Variants in SGCD observed in about 807,000 individuals in gnomAD.
SGCD encodes sarcoglycan delta.
In SGCD, 18 loss-of-function variants were observed where a neutral mutation model predicts 36.6. That is an observed-to-expected ratio of 0.49 (90% CI 0.34 to 0.73). The LOEUF (loss-of-function observed/expected upper bound fraction) is 0.73. Among genes scored for constraint, SGCD ranks in the 30% least tolerant of loss-of-function variants. The probability of loss-of-function intolerance (pLI) is 0.01; values close to 1 mark genes in which losing one functional copy is unlikely to be tolerated. For missense variants in SGCD, 387 were observed against 346.7 expected (o/e 1.12, Z -0.92); for synonymous variants, 133 against 130.6 (o/e 1.02, Z -0.12).
chr5:156,594,785 C>A, intron 5 of SGCD, 147 bp from the exon 6 acceptor site: 1 of 579,470 alleles, frequency 1.7e-6, no homozygotes. Context: ...AAAACCAGTC[C>A]ACTGAACATT....
chr5:156,296,740 C>T (rs1766902085), intron 3 of SGCD, among the ~76,000 whole-genome samples: 1 of 152,052 alleles, frequency 6.6e-6, no homozygotes. Flanking sequence ...GTTGGAGGAG[C>T]ATCTGAGAGG....
chr5:156,480,545 C>T (rs1755380772), intron 3 of SGCD, among the ~76,000 whole-genome samples: 1 of 152,288 alleles, frequency 6.6e-6, no homozygotes, highest in African/African-American at 2.4e-5. Context: ...ACCTTGATGG[C>T]TTTTAGCTGG....
intron 7 of SGCD, among the ~76,000 whole-genome samples, chr5:156,686,331 G>T (rs545952580): frequency 6.6e-6 from 1 of 152,092 alleles, no homozygotes; most frequent in Non-Finnish European, 1.5e-5. Context: ...TGGTCATTTC[G>T]TCTCTGGGCC....
intron 4 of SGCD, among the ~76,000 whole-genome samples, chr5:156,560,751 G>A (rs67972044): frequency 3.3e-5 from 5 of 152,096 alleles, no homozygotes; most frequent in South Asian, 2.1e-4. Context: ...AAATGGTTAC[G>A]AACAGTGGCT....
At chr5:156,589,829 A>T (rs1429157700) in intron 5 of SGCD, among the ~76,000 whole-genome samples, 1 of 152,204 alleles carries the variant, frequency 6.6e-6, no homozygotes, top group East Asian at 1.9e-4. Flanking sequence ...TTTACTGAAT[A>T]TGTTTGTGTG....
At chr5:156,158,541 C>T (rs576155917) in intron 3 of SGCD, among the ~76,000 whole-genome samples, 60 of 151,200 alleles carry the variant, frequency 4.0e-4, no homozygotes, top group Non-Finnish European at 8.2e-4. Context: ...GTGACCTGAC[C>T]CCACTCACGG....
chr5:156,336,358 C>G (rs1768354194), intron 2 of SGCD, among the ~76,000 whole-genome samples: 1 of 152,200 alleles, frequency 6.6e-6, no homozygotes, highest in Non-Finnish European at 1.5e-5. Context: ...CAGCACTGTT[C>G]CCTTCTGCTG....
At position 156,368,371 on chromosome 5, in the gene SGCD, G is replaced by A. The variant is rs187360180; in HGVS notation, c.192+23694G>A. 2.9e-3 allele frequency among the ~76,000 whole-genome samples: 439 copies of A among 152,260 alleles called. 5 individuals are homozygous for A. Among genetic ancestry groups the A allele is most frequent in the African/African-American group, 1.0e-2 (414 of 41,562 alleles). The stretch of plus-strand genomic sequence containing the variant: ...CTTCCAAAGTGCTGGGATTACAGGC[G>A]TGAGCCACTGCGCCTGGCCTGTACT... On this transcript the variant is annotated intron_variant, in intron 3 of 8. Coordinates refer to ENST00000337851, the MANE Select transcript of SGCD (RefSeq NM_000337.6).
At chr5:156,279,729 A>T (rs1284424124) in intron 3 of SGCD, among the ~76,000 whole-genome samples, 4 of 151,976 alleles carry the variant, frequency 2.6e-5, no homozygotes, top group Non-Finnish European at 5.9e-5. Flanking sequence ...TTTCTAAGTC[A>T]TATTACTGGG....
chr5:156,249,697 A>C (rs1765527107), intron 3 of SGCD, among the ~76,000 whole-genome samples: 1 of 147,918 alleles, frequency 6.8e-6, no homozygotes, highest in African/African-American at 2.5e-5. Flanking sequence ...GGATAAAACA[A>C]TTACTTCATA....
At chr5:156,281,418 C>G (rs1022705507) in intron 3 of SGCD, among the ~76,000 whole-genome samples, 7 of 151,996 alleles carry the variant, frequency 4.6e-5, no homozygotes, top group Non-Finnish European at 7.4e-5. Context: ...TTAGCAGGGT[C>G]GATGAGAGGG....
chr5:156,353,701 G>T (rs183667397), intron 3 of SGCD, among the ~76,000 whole-genome samples: 2 of 152,294 alleles, frequency 1.3e-5, no homozygotes, highest in African/African-American at 4.8e-5. Flanking sequence ...CTTTGACTGT[G>T]TGGTCACTTT....
rs1313517472 is a variant in SGCD at position 156,595,039 on chromosome 5, T to A, written c.490T>A (p.Leu164Ile). ...NNEVVVGAERLRVLGAEGTVF... is the reference protein window; with the variant it reads ...NNEVVVGAERIRVLGAEGTVF... Reference sequence around the variant, plus strand: ...TGAAGTGGTAGTAGGAGCTGAAAGATTACGAGTTTTAGGTAAGGAAACTTG... The same window carrying A: ...TGAAGTGGTAGTAGGAGCTGAAAGAATACGAGTTTTAGGTAAGGAAACTTG... Residue 164 changes from leucine to isoleucine, a missense_variant, in exon 6 of 9, where the codon TTA becomes ATA. Transcript: ENST00000337851. The A allele has an allele frequency of 1.2e-6, 2 of 1,611,578 alleles. No individual in the cohort carries two copies. Among genetic ancestry groups the A allele is most frequent in the Non-Finnish European group, 1.7e-6 (2 of 1,178,576 alleles).
intron 3 of SGCD, among the ~76,000 whole-genome samples, chr5:156,268,010 C>T (rs1361374878): frequency 6.6e-6 from 1 of 152,174 alleles, no homozygotes; most frequent in Admixed American, 6.5e-5. Context: ...CACGTAGACC[C>T]CAGTGTCTGC....
intron 6 of SGCD, among the ~76,000 whole-genome samples, chr5:156,604,233 A>C (rs773681169): frequency 6.6e-6 from 1 of 151,562 alleles, no homozygotes. Context: ...TTTCATTTCC[A>C]TTTGAATGGA....
At chr5:155,887,007 C>A (rs544557308) in intron 1 of SGCD, among the ~76,000 whole-genome samples, 7 of 152,158 alleles carry the variant, frequency 4.6e-5, no homozygotes, top group African/African-American at 1.4e-4. Flanking sequence ...CTGATGACAT[C>A]CCCAGAAGGA....
At chr5:155,959,151 A>G (rs1757734042) in intron 1 of SGCD, among the ~76,000 whole-genome samples, 2 of 152,190 alleles carry the variant, frequency 1.3e-5, no homozygotes, top group Non-Finnish European at 2.9e-5. Context: ...GAGGTCATTT[A>G]TAGGTACCTG....
chr5:156,723,018 A>T (rs1303456833), intron 7 of SGCD, among the ~76,000 whole-genome samples: 1 of 152,252 alleles, frequency 6.6e-6, no homozygotes. Flanking sequence ...AGACATTTAA[A>T]AAACGAATAT....
intron 3 of SGCD, among the ~76,000 whole-genome samples, chr5:156,247,744 T>G (rs1765474808): frequency 6.6e-6 from 1 of 152,238 alleles, no homozygotes; most frequent in African/African-American, 2.4e-5. Context: ...TGGAAACAGT[T>G]AACCTTTTCA....
Sources: allele counts gnomAD v4.1 joint callset (sites outside exome capture counted in the v4.1 genomes callset), GRCh38; gene constraint gnomAD v4.1.1; transcripts MANE v1.5; gene names NCBI Gene and HGNC (gene_info 2026-07-23, HGNC 2026-07-21).